Variants in PPP4R1 observed in about 807,000 individuals in gnomAD.
The protein encoded by PPP4R1 is protein phosphatase 4 regulatory subunit 1, also known as serine/threonine-protein phosphatase 4 regulatory subunit 1.
PPP4R1 carries 42 observed loss-of-function variants against 111.2 expected under a neutral mutation model. That is an observed-to-expected ratio of 0.38 (90% CI 0.29 to 0.49). The LOEUF (loss-of-function observed/expected upper bound fraction) is 0.49. PPP4R1 is among the 20% of genes least tolerant of loss of function. The pLI is 0.97. For synonymous variants in PPP4R1, 409 were observed against 405.5 expected, an observed-to-expected ratio of 1.01 and a Z score of -0.10; for missense variants, 1,012 against 1,161.6, an observed-to-expected ratio of 0.87 and a Z score of 1.87.
chr18:9,564,290 TA>T (rs1249957090), intron 11 of PPP4R1, among the ~76,000 whole-genome samples: 2 of 152,252 alleles, frequency 1.3e-5, no homozygotes, highest in African/African-American at 4.8e-5. Flanking sequence ...TTATTCCAAG[TA>T]ACAATCCACT....
intron 11 of PPP4R1, among the ~76,000 whole-genome samples, chr18:9,567,350 G>A (rs983617380): frequency 3.3e-5 from 5 of 152,164 alleles, no homozygotes; most frequent in Non-Finnish European, 5.9e-5. Context: ...ATAATCAAAC[G>A]TTTTCTGTTG....
At chr18:9,604,569 T>C (rs2145324030) in intron 2 of PPP4R1, among the ~76,000 whole-genome samples, 1 of 152,068 alleles carries the variant, frequency 6.6e-6, no homozygotes, top group East Asian at 1.9e-4. Flanking sequence ...TCCATTTCTG[T>C]CCTCTCTAAC....
At chr18:9,598,242 T>C (rs2067321875) in intron 2 of PPP4R1, among the ~76,000 whole-genome samples, 1 of 152,080 alleles carries the variant, frequency 6.6e-6, no homozygotes, top group South Asian at 2.1e-4. Flanking sequence ...GAATGGGAGA[T>C]ATAAAATATA....
chr18:9,589,613 A>G (rs965712135), intron 4 of PPP4R1, among the ~76,000 whole-genome samples: 2 of 152,160 alleles, frequency 1.3e-5, no homozygotes, highest in African/African-American at 4.8e-5. Flanking sequence ...ATACATTATA[A>G]AAACTTTATT....
intron 4 of PPP4R1, among the ~76,000 whole-genome samples, chr18:9,592,931 G>C (rs2067236189): frequency 6.6e-6 from 1 of 152,146 alleles, no homozygotes; most frequent in Non-Finnish European, 1.5e-5. Flanking sequence ...TTATTGCTCA[G>C]TTAAGCCTAC....
At chr18:9,565,749 C>G (rs1347502894) in intron 11 of PPP4R1, among the ~76,000 whole-genome samples, 1 of 152,196 alleles carries the variant, frequency 6.6e-6, no homozygotes, top group Non-Finnish European at 1.5e-5. Context: ...AGAAGAAAAG[C>G]TGAAAGCTAG....
chr18:9,552,504 A>C (rs1027414607), intron 16 of PPP4R1, among the ~76,000 whole-genome samples: 11 of 152,230 alleles, frequency 7.2e-5, no homozygotes, highest in African/African-American at 2.7e-4. Context: ...TATTTTTAAA[A>C]TTTAGTAGAA....
At chr18:9,579,523 T>TAC (rs1307309299) in intron 9 of PPP4R1, among the ~76,000 whole-genome samples, 1 of 150,560 alleles carries the variant, frequency 6.6e-6, no homozygotes, top group African/African-American at 2.4e-5. Flanking sequence ...TACACGTGTG[T>TAC]GTGTGTGTGT....
intron 2 of PPP4R1, among the ~76,000 whole-genome samples, chr18:9,609,699 T>C (rs2067545239): frequency 6.6e-6 from 1 of 152,234 alleles, no homozygotes; most frequent in African/African-American, 2.4e-5. Flanking sequence ...CTCCATCCTC[T>C]CTATCATTCT....
At chr18:9,549,801 G>T in intron 18 of PPP4R1, 1 of 581,818 alleles carries the variant, frequency 1.7e-6, no homozygotes, top group Non-Finnish European at 3.0e-6. Context: ...CATGTGGTGT[G>T]GAACAAGCAC....
At chr18:9,607,423 A>G (rs2145342901) in intron 2 of PPP4R1, among the ~76,000 whole-genome samples, 1 of 152,276 alleles carries the variant, frequency 6.6e-6, no homozygotes, top group Middle Eastern at 3.4e-3. Context: ...TAGTAGAGAC[A>G]TGATGGTCCA....
intron 4 of PPP4R1, among the ~76,000 whole-genome samples, chr18:9,590,482 C>T (rs1310426957): frequency 3.3e-5 from 5 of 152,086 alleles, no homozygotes; most frequent in African/African-American, 2.4e-5. Flanking sequence ...ATTTTTGAAG[C>T]AAAAGGAGGA....
intron 15 of PPP4R1, among the ~76,000 whole-genome samples, chr18:9,554,375 C>T (rs1036000373): frequency 4.6e-5 from 7 of 152,096 alleles, no homozygotes; most frequent in Admixed American, 2.6e-4. Flanking sequence ...GTGATCCGCT[C>T]GCCTTGGCCT....
chr18:9,560,426 G>T (rs1250909506), intron 13 of PPP4R1, among the ~76,000 whole-genome samples: 4 of 151,924 alleles, frequency 2.6e-5, no homozygotes, highest in Non-Finnish European at 5.9e-5. Flanking sequence ...TATAAATATA[G>T]CTGTGGAAGG....
rs764562357 is a variant in PPP4R1 at position 9,614,215 on chromosome 18, G to C, written c.52+11C>G. The C allele has an allele frequency of 5.1e-6, 7 of 1,362,980 alleles. No homozygotes were observed. In the African/African-American group the frequency reaches 6.2e-5, roughly 12 times the overall value. The allele number at this position is 1,362,980 out of a possible 1,614,324, so 84.4% of individuals were successfully genotyped here. A position where few individuals can be genotyped will look rare whatever the true frequency, so the allele number is the denominator to read the frequency against. On this transcript the variant is annotated intron_variant, in intron 2 of 19. Coordinates refer to ENST00000400556, the MANE Select transcript of PPP4R1 (RefSeq NM_001042388.3). This position sits in a 1 kb window ranked among gnomAD's most constrained non-coding sequence, Gnocchi z 4.1. ...CGGACTGCCAGGCCACCGCGAGGCC[G>C]GGCCACTCACATCCGTCTGCGTCCT...
In PPP4R1 at chr18:9,584,520, T is replaced by C; in HGVS notation, c.754A>G (p.Met252Val). The C allele has an allele frequency of 1.9e-6, 3 of 1,612,948 alleles. No individual in the cohort carries two copies. The highest frequency in any genetic ancestry group is 2.5e-6 in the Non-Finnish European group (3 of 1,179,520). The change falls in exon 8 of 20, where the codon ATG (methionine) becomes GTG (valine). Residue 252 changes from methionine (M) to valine (V), a missense_variant. Physicochemically the swap from Met to Val is conservative, Grantham distance 21 (BLOSUM62 1). Coordinates refer to ENST00000400556, the MANE Select transcript of PPP4R1 (RefSeq NM_001042388.3). Reference protein sequence around the residue: ...SVVGQQATEEMLLPRFFQLCS... With the variant: ...SVVGQQATEEVLLPRFFQLCS... ...TTTATATCTGCAATACTTACCAACA[T>C]TTCTTCAGTAGCTTGCTGGCCAACT... is the stretch of plus-strand genomic sequence containing the variant.
At chr18:9,575,933 T>C (rs556117701) in intron 10 of PPP4R1, among the ~76,000 whole-genome samples, 115 of 152,344 alleles carry the variant, frequency 7.5e-4, no homozygotes, top group African/African-American at 2.6e-3. Flanking sequence ...GTATGCTGAT[T>C]TCAAAAATGA....
chr18:9,596,395 T>C (rs2145266914), intron 2 of PPP4R1, among the ~76,000 whole-genome samples: 1 of 152,350 alleles, frequency 6.6e-6, no homozygotes, highest in Non-Finnish European at 1.5e-5. Flanking sequence ...CTTGATTTAC[T>C]TTCTCAATAG....
intron 16 of PPP4R1, 58 bp downstream of exon 16, chr18:9,553,264 A>G: frequency 7.6e-7 from 1 of 1,318,038 alleles, no homozygotes; most frequent in South Asian, 1.3e-5. Flanking sequence ...AGAAAATGTA[A>G]AAATGAAGTA....
Sources: allele counts gnomAD v4.1 joint callset (sites outside exome capture counted in the v4.1 genomes callset), GRCh38; gene constraint gnomAD v4.1.1; non-coding constraint Gnocchi (gnomAD v3.1); transcripts MANE v1.5; gene names NCBI Gene and HGNC (gene_info 2026-07-23, HGNC 2026-07-21).